RNF103: variants seen among roughly 807,000 people sequenced by gnomAD.
RNF103 encodes the protein E3 ubiquitin-protein ligase RNF103.
Under a neutral mutation model 66.2 loss-of-function variants are expected in RNF103, and 23 were observed. That is an observed-to-expected ratio of 0.35 (90% CI 0.25 to 0.49). RNF103 has a LOEUF of 0.49. Ranked by LOEUF, RNF103 falls within the 20% of genes least tolerant of loss-of-function variation. RNF103 has a pLI of 0.98. For synonymous variants in RNF103, 297 were observed against 289.9 expected, an observed-to-expected ratio of 1.02 and a Z score of -0.25; for missense variants, 730 against 814.7, an observed-to-expected ratio of 0.90 and a Z score of 1.27.
At chr2:86,607,856 AACTT>A (rs1301469096) in intron 3 of RNF103, among the ~76,000 whole-genome samples, 1 of 152,238 alleles carries the variant, frequency 6.6e-6, no homozygotes, top group Non-Finnish European at 1.5e-5. Context: ...TCTGACAGAA[AACTT>A]ACTTTGTAAA....
rs1438974626 is a variant in RNF103, at chr2:86,620,487, A to G, written c.227-18T>C. 4.5e-6 allele frequency: 7 copies of G among 1,545,168 alleles called. No homozygotes were observed. Among genetic ancestry groups the G allele is most frequent in the East Asian group, 4.5e-5 (2 of 44,192 alleles). On this transcript the variant is annotated intron_variant, in intron 1 of 3. Transcript: ENST00000237455. ...CAAGTCACCTGAAGAAAGGAAAAGA[A>G]TAACACTAATAAGGTTGCAAGAATC...
rs1479243479 is a variant in RNF103, at chr2:86,623,467, C to T, written c.-581G>A. ...GCGTGTTCTGCGCGGGGAGGAGCGG[C>T]CGCCGCAACGCCGCGCCCGAAGCCC... On this transcript the variant is annotated 5_prime_UTR_variant, in exon 1 of 4. Coordinates refer to ENST00000237455, the MANE Select transcript of RNF103 (RefSeq NM_005667.4). The T allele has an allele frequency of 2.4e-5, 24 of 982,128 alleles. No homozygotes were observed. In the Admixed American group the frequency reaches 1.4e-3, roughly 56 times the overall value. 60.8% of individuals were successfully genotyped at this position (982,128 alleles called of 1,614,324 possible). A position where few individuals can be genotyped will look rare whatever the true frequency, so the allele number is the denominator to read the frequency against.
chr2:86,623,624 T>C lies in RNF103; in HGVS notation c.-738A>G. ...GCGGGCACTGCGGCCCGGCCCAGGA[T>C]GGGGCGTCGCGGTCTCTGCAGATGG... On this transcript the variant is annotated 5_prime_UTR_variant, in exon 1 of 4. Coordinates refer to ENST00000237455, the MANE Select transcript of RNF103 (RefSeq NM_005667.4). 4 of 1,091,326 alleles carry C rather than the reference T, an allele frequency of 3.7e-6. No individual in the cohort carries two copies. The highest frequency in any genetic ancestry group is 4.5e-6 in the Non-Finnish European group (4 of 890,616). The allele number at this position is 1,091,326 out of a possible 1,614,324, so 67.6% of individuals were successfully genotyped here.
At chr2:86,611,752 TAAGC>T (rs1186785129) in intron 3 of RNF103, among the ~76,000 whole-genome samples, 2 of 152,066 alleles carry the variant, frequency 1.3e-5, no homozygotes, top group Non-Finnish European at 2.9e-5. Context: ...CAAATGGAAA[TAAGC>T]AAAGAAATGC....
intron 2 of RNF103, chr2:86,616,439 TA>T (rs1460786522): frequency 2.0e-5 from 18 of 905,832 alleles, no homozygotes; most frequent in African/African-American, 5.4e-5. Context: ...AGTGGTCTTT[TA>T]ATTTTTTTGT....
intron 2 of RNF103, chr2:86,613,212 G>C (rs911263217): frequency 1.3e-5 from 2 of 152,194 alleles, no homozygotes; most frequent in African/African-American, 4.8e-5. Context: ...GTGAGTAGAG[G>C]TTGCACCACT....
chr2:86,620,064 A>G (rs1679167523), intron 2 of RNF103, among the ~76,000 whole-genome samples: 1 of 152,240 alleles, frequency 6.6e-6, no homozygotes, highest in Admixed American at 6.5e-5. Context: ...CAAAGGTCCA[A>G]TAACTAAAAT....
At chr2:86,607,879 G>A (rs1010910528) in intron 3 of RNF103, among the ~76,000 whole-genome samples, 1 of 152,112 alleles carries the variant, frequency 6.6e-6, no homozygotes, top group Non-Finnish European at 1.5e-5. Flanking sequence ...AAATGAACAA[G>A]TTCTAAGTGC....
At chr2:86,617,805 C>T (rs373473646) in intron 2 of RNF103, 3 of 1,035,050 alleles carry the variant, frequency 2.9e-6, no homozygotes, top group African/African-American at 1.7e-5. Context: ...AAGTACAACC[C>T]TCTTTTAAGG....
intron 3 of RNF103, among the ~76,000 whole-genome samples, chr2:86,608,865 AG>A (rs2104216406): frequency 6.6e-6 from 1 of 152,344 alleles, no homozygotes; most frequent in South Asian, 2.1e-4. Context: ...GAATGAGAAG[AG>A]GTAGAGCCAG....
At chr2:86,614,128 G>A (rs1386786170) in intron 2 of RNF103, 1 of 152,050 alleles carries the variant, frequency 6.6e-6, no homozygotes. Flanking sequence ...GAAAATAAGT[G>A]GTCTTATTGA....
chr2:86,611,346 C>A lies in RNF103; in HGVS notation c.482+813G>T, dbSNP rs372020369. 8.2e-4 allele frequency among the ~76,000 whole-genome samples: 124 copies of A among 151,862 alleles called. No homozygotes were observed. The South Asian group carries it at 8.3e-3, about 10-fold the overall frequency. On this transcript the variant is annotated intron_variant, in intron 3 of 3. Coordinates refer to ENST00000237455, the MANE Select transcript of RNF103 (RefSeq NM_005667.4). ...CATCTCACCCTATATTACTAGTGGG[C>A]AAAACAAGGGTTCTAAGCAGAAGAG...
At position 86,623,249 on chromosome 2, in the gene RNF103, T is replaced by C; in HGVS notation, c.-363A>G. On this transcript the variant is annotated 5_prime_UTR_variant, in exon 1 of 4. Coordinates refer to ENST00000237455, the MANE Select transcript of RNF103 (RefSeq NM_005667.4). Reference sequence around the variant, plus strand: ...GGGACGCTTCCCCCGGGGCGGGCACTGACCCAGGTGGCGGGGTCGGCCCTC... The same window carrying C: ...GGGACGCTTCCCCCGGGGCGGGCACCGACCCAGGTGGCGGGGTCGGCCCTC... 2.0e-6 allele frequency: 2 copies of C among 1,003,230 alleles called. No individual in the cohort carries two copies. Among genetic ancestry groups the C allele is most frequent in the Non-Finnish European group, 2.4e-6 (2 of 843,078 alleles). 62.1% of individuals were successfully genotyped at this position (1,003,230 alleles called of 1,614,324 possible).
chr2:86,608,309 A>G (rs1573354998), intron 3 of RNF103, among the ~76,000 whole-genome samples: 1 of 151,986 alleles, frequency 6.6e-6, no homozygotes, highest in East Asian at 1.9e-4. Context: ...CAACATGGTG[A>G]AACGCTGTCT....
intron 2 of RNF103, chr2:86,615,070 A>G (rs1437112502): frequency 9.1e-6 from 9 of 985,290 alleles, no homozygotes; most frequent in Admixed American, 6.1e-5. Flanking sequence ...TTAGGAAAAG[A>G]AGGAGGAATG....
chr2:86,614,873 C>A, intron 2 of RNF103: 1 of 985,386 alleles, frequency 1.0e-6, no homozygotes, highest in Non-Finnish European at 1.2e-6. Context: ...GGCATTATCC[C>A]ATTTCTTGAT....
In RNF103 at chr2:86,603,717, A is replaced by G; in HGVS notation, c.*126T>C. 1 of 1,318,462 alleles carries G rather than the reference A, an allele frequency of 7.6e-7. No individual in the cohort carries two copies. Among genetic ancestry groups the G allele is most frequent in the South Asian group, 1.5e-5 (1 of 67,452 alleles). 81.7% of individuals were successfully genotyped at this position (1,318,462 alleles called of 1,614,324 possible). On this transcript the variant is annotated 3_prime_UTR_variant, in exon 4 of 4. Coordinates refer to ENST00000237455, the MANE Select transcript of RNF103 (RefSeq NM_005667.4). ...AATAAATTCTGTCATCAACATTAGC[A>G]TAATGTGTATTTCCCGTCACTGCAC...
At chr2:86,612,562 A>C in intron 2 of RNF103, 1 of 220,068 alleles carries the variant, frequency 4.5e-6, no homozygotes, top group Non-Finnish European at 8.8e-6. Context: ...ATTCTCCACC[A>C]TGTGGCCTCT....
rs543178132 is a variant in RNF103, at chr2:86,606,015, CCTGACTG to C, written c.483-604_483-598del. ...CATTTAATTAACAACTACCACAATG[CCTGACTG>C]CTACAAAGTAATCTGCACAAAAGCC... is the stretch of plus-strand genomic sequence containing the variant. On this transcript the variant is annotated intron_variant, in intron 3 of 3. Transcript: ENST00000237455. Among the ~76,000 whole-genome samples the C allele has an allele frequency of 3.1e-3, 479 of 152,224 alleles. 3 individuals are homozygous for C. The highest frequency in any genetic ancestry group is 0.011 in the African/African-American group (455 of 41,520).
Sources: gnomAD v4.1 joint callset for allele counts (sites outside exome capture counted in the v4.1 genomes callset) on GRCh38, gnomAD v4.1.1 for gene constraint, MANE v1.5 for transcripts, NCBI Gene and HGNC (gene_info 2026-07-23, HGNC 2026-07-21) for gene names.